Variants in ZNF516 observed in about 807,000 individuals in gnomAD.
ZNF516 encodes zinc finger protein 516.
ZNF516 carries 19 observed loss-of-function variants against 79.7 expected under a neutral mutation model. The ratio of observed to expected loss-of-function variants is 0.24; its 90% CI spans 0.17 to 0.35. ZNF516 has a LOEUF of 0.35. Ranked by LOEUF, ZNF516 falls within the 10% of genes least tolerant of loss-of-function variation. ZNF516 has a pLI of 1.00. For synonymous variants in ZNF516, 877 were observed against 739.5 expected, an observed-to-expected ratio of 1.19 and a Z score of -3.02; for missense variants, 1,678 against 1,679.5, an observed-to-expected ratio of 1.00 and a Z score of 0.02.
At chr18:76,473,901 T>C (rs1914015414) in intron 1 of ZNF516, among the ~76,000 whole-genome samples, 1 of 8,708 alleles carries the variant, frequency 1.1e-4, no homozygotes, top group African/African-American at 2.5e-4. Flanking sequence ...GTTGTTTTTG[T>C]GTGGGGGGGG....
At chr18:76,483,218 T>C (rs1030420050) in intron 1 of ZNF516, among the ~76,000 whole-genome samples, 4 of 152,090 alleles carry the variant, frequency 2.6e-5, no homozygotes, top group Non-Finnish European at 5.9e-5. Flanking sequence ...AGGTGTTTAA[T>C]AATCTGCAAA....
Position 76,459,487 on chromosome 18 carries a change from A to G in ZNF516, c.-158+3541T>C, listed in dbSNP as rs1432048611. On this transcript the variant is annotated intron_variant, in intron 2 of 6. Coordinates refer to ENST00000443185, the MANE Select transcript of ZNF516 (RefSeq NM_014643.4). This position sits in a 1 kb window ranked among gnomAD's most constrained non-coding sequence, Gnocchi z 5.0. ...AAGCTGGCCCTGAGCTCAGCCCAGG[A>G]TTTGTGCCATTCAGGACGTGGCGGC... is the stretch of plus-strand genomic sequence containing the variant. 6.6e-6 allele frequency among the ~76,000 whole-genome samples: 1 copy of G among 152,174 alleles called. No homozygotes were observed. Among genetic ancestry groups the G allele is most frequent in the East Asian group, 1.9e-4 (1 of 5,172 alleles).
chr18:76,397,313 A>T (rs2075160793), intron 3 of ZNF516, among the ~76,000 whole-genome samples: 1 of 152,208 alleles, frequency 6.6e-6, no homozygotes, highest in Non-Finnish European at 1.5e-5. Context: ...AGTTTCTTCT[A>T]AAGAAATGTC....
chr18:76,395,834 G>A (rs529287676), intron 3 of ZNF516, among the ~76,000 whole-genome samples: 3 of 152,314 alleles, frequency 2.0e-5, no homozygotes, highest in Non-Finnish European at 2.9e-5. Context: ...CCGTGAGGGT[G>A]GGCCAGCCGC....
At chr18:76,388,345 T>C (rs1205633461) in intron 3 of ZNF516, 1 of 152,202 alleles carries the variant, frequency 6.6e-6, no homozygotes, top group African/African-American at 2.4e-5. Context: ...GCATTAATTG[T>C]CTAGACACTA....
At chr18:76,362,679 C>A in intron 6 of ZNF516, 122 bp from the exon 7 acceptor site, 5 of 934,602 alleles carry the variant, frequency 5.3e-6, no homozygotes, top group Non-Finnish European at 8.2e-6. Context: ...CTTCACAAAG[C>A]AAGCCAACCA....
At chr18:76,386,529 T>C (rs1007237119) in intron 3 of ZNF516, 1 of 152,170 alleles carries the variant, frequency 6.6e-6, no homozygotes, top group Non-Finnish European at 1.5e-5. Context: ...ATTAAGATTA[T>C]ACAGGGAAGA....
rs573260838 is a variant in ZNF516 at position 76,416,182 on chromosome 18, G to C, written c.1810+25063C>G. On this transcript the variant is annotated intron_variant, in intron 3 of 6. Transcript: ENST00000443185. ...ACTTAGTAATGAAAACCACTTTGCAGTAAGACATTTTAAGAAAATCATGTT... is the reference window on the plus strand; with the variant it reads ...ACTTAGTAATGAAAACCACTTTGCACTAAGACATTTTAAGAAAATCATGTT... Among the ~76,000 whole-genome samples, 5 of 152,346 alleles carry C rather than the reference G, an allele frequency of 3.3e-5. No homozygotes were observed. In the South Asian group the frequency reaches 8.3e-4, roughly 25 times the overall value.
At chr18:76,398,818 G>A (rs1338863293) in intron 3 of ZNF516, among the ~76,000 whole-genome samples, 2 of 152,128 alleles carry the variant, frequency 1.3e-5, no homozygotes, top group African/African-American at 4.8e-5. Flanking sequence ...GCACCTGCAT[G>A]GCTTTCTACA....
chr18:76,469,693 C>T (rs972619904), intron 1 of ZNF516, among the ~76,000 whole-genome samples: 11 of 152,066 alleles, frequency 7.2e-5, no homozygotes, highest in African/African-American at 1.9e-4. Context: ...TATCTTCTTC[C>T]GTTAGAAAGT....
intron 1 of ZNF516, among the ~76,000 whole-genome samples, chr18:76,491,490 C>T (rs1252100015): frequency 2.9e-5 from 4 of 136,992 alleles, no homozygotes; most frequent in South Asian, 2.3e-4. Context: ...GGGTCCGTCT[C>T]TTTCACTTCT....
At chr18:76,454,385 T>C (rs1306978465) in intron 2 of ZNF516, among the ~76,000 whole-genome samples, 4 of 152,258 alleles carry the variant, frequency 2.6e-5, no homozygotes, top group African/African-American at 7.2e-5. Flanking sequence ...TTGTTTATCA[T>C]TGTACAAACA....
At chr18:76,435,512 G>A (rs2075720443) in intron 3 of ZNF516, among the ~76,000 whole-genome samples, 1 of 152,254 alleles carries the variant, frequency 6.6e-6, no homozygotes, top group South Asian at 2.1e-4. Context: ...TCGTGTTCAT[G>A]TGTGCGGGAG....
chr18:76,420,604 G>A (rs1387626207), intron 3 of ZNF516, among the ~76,000 whole-genome samples: 1 of 152,118 alleles, frequency 6.6e-6, no homozygotes, highest in African/African-American at 2.4e-5. Flanking sequence ...ATTCTAAGTA[G>A]GACAGATGAT....
At chr18:76,390,896 T>TA (rs1231443638) in intron 3 of ZNF516, among the ~76,000 whole-genome samples, 1 of 152,140 alleles carries the variant, frequency 6.6e-6, no homozygotes. Context: ...ATTTTGTAGA[T>TA]ACGAAACCTG....
In ZNF516 at chr18:76,386,677, C is replaced by T. The variant is rs571769748; in HGVS notation, c.1811-6374G>A. On this transcript the variant is annotated intron_variant, in intron 3 of 6. Transcript: ENST00000443185. ...AAAGAGGCCCTTTAATGAACAATTGCATGTACAGAGACTTGTATGAGGACT... is the reference window on the plus strand; with the variant it reads ...AAAGAGGCCCTTTAATGAACAATTGTATGTACAGAGACTTGTATGAGGACT... 7.1e-4 allele frequency: 108 copies of T among 152,226 alleles called. 1 individual carries two copies. Among genetic ancestry groups the T allele is most frequent in the African/African-American group, 2.4e-3 (99 of 41,534 alleles). 9.4% of individuals were successfully genotyped at this position (152,226 alleles called of 1,614,324 possible).
rs1362520860 is a variant in ZNF516, at chr18:76,441,816, G to A, written c.1239C>T (p.Val413=). 5 of 1,563,726 alleles carry A rather than the reference G, an allele frequency of 3.2e-6. No homozygotes were observed. The highest frequency in any genetic ancestry group is 2.7e-5 in the African/African-American group (2 of 73,958). Residue 413 remains valine (V), a synonymous_variant, in exon 3 of 7, where the codon GTC becomes GTT. Transcript: ENST00000443185. ...CCAGCTGCCAGGCCTGGTAGCTGTTGACCGGGTCCAGCTCAGCCACCCGCC... is the reference window on the plus strand; with the variant it reads ...CCAGCTGCCAGGCCTGGTAGCTGTTAACCGGGTCCAGCTCAGCCACCCGCC... ...AGRRVAELDP[V]NSYQAWQLAT...
At chr18:76,396,796 G>A (rs1226843874) in intron 3 of ZNF516, among the ~76,000 whole-genome samples, 3 of 152,220 alleles carry the variant, frequency 2.0e-5, no homozygotes, top group Non-Finnish European at 4.4e-5. Context: ...CCATTCCACT[G>A]AGAGTGAGAG....
chr18:76,408,899 C>T lies in ZNF516; in HGVS notation c.1811-28596G>A, dbSNP rs189397576. On this transcript the variant is annotated intron_variant, in intron 3 of 6. Coordinates refer to ENST00000443185, the MANE Select transcript of ZNF516 (RefSeq NM_014643.4). ...CATGAAGCTGGGCTCAGGACACTGA[C>T]GAGAGCGCTGCTAAATTGAGGCTCA... is the stretch of plus-strand genomic sequence containing the variant. 4.6e-5 allele frequency among the ~76,000 whole-genome samples: 7 copies of T among 152,318 alleles called. No homozygotes were observed. The East Asian group carries it at 9.6e-4, about 21-fold the overall frequency.
Sources: gnomAD v4.1 joint callset for allele counts (sites outside exome capture counted in the v4.1 genomes callset) on GRCh38, gnomAD v4.1.1 for gene constraint, Gnocchi (gnomAD v3.1) non-coding constraint, MANE v1.5 for transcripts, NCBI Gene and HGNC (gene_info 2026-07-23, HGNC 2026-07-21) for gene names.